Variants in CNTN6 observed in about 807,000 individuals in gnomAD.
CNTN6 encodes the protein contactin 6.
CNTN6 carries 137 observed loss-of-function variants against 122.8 expected under a neutral mutation model. The observed-to-expected ratio is 1.12, with a 90% CI of 0.97 to 1.29. CNTN6 has a LOEUF of 1.29. Among genes scored for constraint, CNTN6 ranks in the 50% most tolerant of loss-of-function variants. The pLI is 0.00. For missense variants in CNTN6, 1,634 were observed against 1,223.4 expected, an observed-to-expected ratio of 1.34 and a Z score of -5.01; for synonymous variants, 570 against 426.0, an observed-to-expected ratio of 1.34 and a Z score of -4.16.
intron 5 of CNTN6, among the ~76,000 whole-genome samples, chr3:1,290,496 T>G (rs767517107): frequency 1.3e-5 from 2 of 152,066 alleles, no homozygotes; most frequent in Non-Finnish European, 2.9e-5. Context: ...TGTAAAGACA[T>G]TGAAAAGTAG....
intron 4 of CNTN6, among the ~76,000 whole-genome samples, chr3:1,234,600 A>G (rs759203663): frequency 1.3e-5 from 2 of 152,220 alleles, no homozygotes; most frequent in Non-Finnish European, 2.9e-5. Context: ...TGGAAATTGT[A>G]AAGTCTCCGA....
At chr3:1,399,679 A>C (rs187029669) in intron 20 of CNTN6, among the ~76,000 whole-genome samples, 1 of 152,164 alleles carries the variant, frequency 6.6e-6, no homozygotes, top group Admixed American at 6.6e-5. Flanking sequence ...CAGCCTGAGA[A>C]GATCACCACA....
intron 2 of CNTN6, among the ~76,000 whole-genome samples, chr3:1,162,954 C>T (rs2093168645): frequency 6.6e-6 from 1 of 152,204 alleles, no homozygotes. Flanking sequence ...ATTCAGACCA[C>T]AGAAAATCAT....
At chr3:1,133,821 CT>C (rs1203955131) in intron 1 of CNTN6, among the ~76,000 whole-genome samples, 1 of 152,114 alleles carries the variant, frequency 6.6e-6, no homozygotes, top group Non-Finnish European at 1.5e-5. Context: ...AACATGTGTT[CT>C]CATATTCTTC....
At chr3:1,353,964 G>C (rs908314837) in intron 12 of CNTN6, among the ~76,000 whole-genome samples, 2 of 151,466 alleles carry the variant, frequency 1.3e-5, no homozygotes, top group South Asian at 4.1e-4. Flanking sequence ...TGGTTTTGCT[G>C]TTAAAATACA....
chr3:1,280,482 T>TG (rs869135940), intron 5 of CNTN6, among the ~76,000 whole-genome samples: 17 of 143,622 alleles, frequency 1.2e-4, no homozygotes, highest in Non-Finnish European at 2.6e-4. Context: ...TTTTTTTTTT[T>TG]GTGATAGCAT....
At chr3:1,099,265 C>A (rs1333980220) in intron 1 of CNTN6, among the ~76,000 whole-genome samples, 1 of 151,970 alleles carries the variant, frequency 6.6e-6, no homozygotes, top group Non-Finnish European at 1.5e-5. Context: ...TCCTGGCTAA[C>A]ACGGTGAAAC....
intron 20 of CNTN6, among the ~76,000 whole-genome samples, chr3:1,388,425 C>CAAAG (rs1576033389): frequency 6.6e-6 from 1 of 151,206 alleles, no homozygotes; most frequent in Non-Finnish European, 1.5e-5. Context: ...TCACCATCAT[C>CAAAG]AAAGACCAAA....
At chr3:1,142,971 T>TATATATATATAG (rs1463464715) in intron 1 of CNTN6, among the ~76,000 whole-genome samples, 5 of 24,632 alleles carry the variant, frequency 2.0e-4, no homozygotes, top group African/African-American at 9.5e-4. Flanking sequence ...TGTGTGTGTA[T>TATATATATATAG]ATATATATAT....
At chr3:1,279,194 G>C (rs1394875059) in intron 5 of CNTN6, among the ~76,000 whole-genome samples, 2 of 152,150 alleles carry the variant, frequency 1.3e-5, no homozygotes, top group African/African-American at 4.8e-5. Flanking sequence ...GAAGACTCTG[G>C]CTTGGTCAGT....
intron 5 of CNTN6, among the ~76,000 whole-genome samples, chr3:1,294,508 G>A (rs368174076): frequency 7.2e-5 from 11 of 152,208 alleles, no homozygotes; most frequent in African/African-American, 2.4e-4. Context: ...ATGGTTACAG[G>A]GGGTATATAA....
At chr3:1,281,343 T>C (rs1339472134) in intron 5 of CNTN6, among the ~76,000 whole-genome samples, 2 of 152,156 alleles carry the variant, frequency 1.3e-5, no homozygotes, top group African/African-American at 4.8e-5. Context: ...AACAGAGCAC[T>C]GTAAAGTAAA....
intron 4 of CNTN6, among the ~76,000 whole-genome samples, chr3:1,246,075 T>A (rs972316009): frequency 6.6e-6 from 1 of 152,112 alleles, no homozygotes; most frequent in Non-Finnish European, 1.5e-5. Context: ...TCCCTAGAAG[T>A]ATAATATATA....
At chr3:1,264,141 TAA>T (rs980727323) in intron 4 of CNTN6, among the ~76,000 whole-genome samples, 4 of 152,116 alleles carry the variant, frequency 2.6e-5, no homozygotes, top group Non-Finnish European at 4.4e-5. Flanking sequence ...GTAAACTATT[TAA>T]AGTCATCTTT....
chr3:1,103,364 G>A (rs2091051868), intron 1 of CNTN6, among the ~76,000 whole-genome samples: 3 of 152,142 alleles, frequency 2.0e-5, no homozygotes, highest in Admixed American at 6.5e-5. Context: ...ATTAGCCGGT[G>A]CTTATAAAAT....
At chr3:1,149,074 A>C (rs545938316) in intron 2 of CNTN6, among the ~76,000 whole-genome samples, 1 of 152,182 alleles carries the variant, frequency 6.6e-6, no homozygotes, top group African/African-American at 2.4e-5. Flanking sequence ...ATGACACTAC[A>C]TCTCTTGATA....
chr3:1,124,129 T>C (rs2125072322), intron 1 of CNTN6, among the ~76,000 whole-genome samples: 1 of 152,022 alleles, frequency 6.6e-6, no homozygotes, highest in East Asian at 1.9e-4. Context: ...AAGATATTTT[T>C]GATTGTCATA....
chr3:1,243,492 G>A (rs969622966), intron 4 of CNTN6, among the ~76,000 whole-genome samples: 2 of 151,994 alleles, frequency 1.3e-5, no homozygotes, highest in African/African-American at 4.8e-5. Flanking sequence ...ATTTAATGTC[G>A]GGAGCAGATT....
chr3:1,364,949 ACT>A (rs2126115936), intron 12 of CNTN6, among the ~76,000 whole-genome samples: 1 of 152,022 alleles, frequency 6.6e-6, no homozygotes, highest in African/African-American at 2.4e-5. Flanking sequence ...GGTTTTACAA[ACT>A]CTTCATGAAT....
Sources: allele counts gnomAD v4.1 joint callset (sites outside exome capture counted in the v4.1 genomes callset), GRCh38; gene constraint gnomAD v4.1.1; transcripts MANE v1.5; gene names NCBI Gene and HGNC (gene_info 2026-07-23, HGNC 2026-07-21).